CROCC2: variants seen among roughly 807,000 people sequenced by gnomAD.
CROCC2 encodes the protein ciliary rootlet coiled-coil protein 2.
CROCC2 carries 163 observed loss-of-function variants against 177.6 expected under a neutral mutation model. The observed-to-expected ratio is 0.92, with a 90% confidence interval of 0.81 to 1.05. CROCC2 has a LOEUF of 1.05. CROCC2 is among the 50% of genes least tolerant of loss of function. CROCC2 has a pLI of 0.00. For synonymous variants in CROCC2, 904 were observed against 787.3 expected, an observed-to-expected ratio of 1.15 and a Z score of -2.48; for missense variants, 1,929 against 1,797.8, an observed-to-expected ratio of 1.07 and a Z score of -1.32.
At chr2:240,915,595 C>T (rs2059314747) in intron 1 of CROCC2, among the ~76,000 whole-genome samples, 2 of 152,172 alleles carry the variant, frequency 1.3e-5, no homozygotes, top group South Asian at 4.1e-4. Flanking sequence ...TAGAGGGGAG[C>T]CCTGCTCTAA....
In CROCC2 at chr2:240,958,269, GCCA is replaced by G; in HGVS notation, c.2944-1031_2944-1029del. The G allele has an allele frequency of 1.1e-6, 1 of 881,454 alleles. No individual in the cohort carries two copies. Among genetic ancestry groups the G allele is most frequent in the Non-Finnish European group, 1.4e-6 (1 of 734,832 alleles). 54.6% of individuals were successfully genotyped at this position (881,454 alleles called of 1,614,324 possible). A position where few individuals can be genotyped will look rare whatever the true frequency, so the allele number is the denominator to read the frequency against. ...GAGGCCCTCACAGGGGTATCCTGCA[GCCA>G]GGCCTCAGGGGCACCCATCACTGGC... is the stretch of plus-strand genomic sequence containing the variant. On this transcript the variant is annotated intron_variant, in intron 19 of 31. Transcript: ENST00000690015. The surrounding 1 kb of genome is among the most constrained non-coding windows in gnomAD (Gnocchi z 6.7).
In CROCC2 at chr2:240,967,345, G is replaced by T; in HGVS notation, c.4147G>T (p.Asp1383Tyr). The change falls in exon 26 of 32, where the codon GAT (aspartate) becomes TAT (tyrosine). Residue 1383 changes from aspartate (D) to tyrosine (Y), a missense_variant and splice_region_variant. By Grantham distance (160) the Asp-to-Tyr change is radical. Around this residue, in one of 3 missense-constraint regions of CROCC2, gnomAD observed 388 missense variants for 352.7 expected, o/e 1.10. Transcript: ENST00000690015. The stretch of plus-strand genomic sequence containing the variant: ...CGCTGACCTCAGTCCTTCTGCCCAG[G>T]ATGACTCCCGCATCCAGATGGCGAC... ...QKLREAQRER[D>Y]DSRIQMATLS... is the part of the protein sequence containing the mutation. 1.4e-6 allele frequency: 1 copy of T among 709,816 alleles called. No individual in the cohort carries two copies. 44.0% of individuals were successfully genotyped at this position (709,816 alleles called of 1,614,324 possible).
At position 240,973,834 on chromosome 2, in the gene CROCC2, T is replaced by C. The variant is rs2059740261; in HGVS notation, c.4401+5572T>C. Among the ~76,000 whole-genome samples, 1 of 152,230 alleles carries C rather than the reference T, an allele frequency of 6.6e-6. No individual in the cohort carries two copies. The highest frequency in any genetic ancestry group is 1.5e-5 in the Non-Finnish European group (1 of 68,044). ...AAATTGTATTATTTTATAAAATGAG[T>C]TGGTGGGCTTTCCACTTTTTCCATC... On this transcript the variant is annotated intron_variant, in intron 27 of 31. Coordinates refer to ENST00000690015, the MANE Select transcript of CROCC2 (RefSeq NM_001351305.2). This position sits in a 1 kb window ranked among gnomAD's most constrained non-coding sequence, Gnocchi z 4.7.
In CROCC2 at chr2:240,966,415, G is replaced by A. The variant is rs915120860; in HGVS notation, c.4146+6G>A. 2.0e-5 allele frequency: 8 copies of A among 400,700 alleles called. No individual in the cohort carries two copies. Among genetic ancestry groups the A allele is most frequent in the Middle Eastern group, 6.9e-4 (2 of 2,896 alleles). The allele number at this position is 400,700 out of a possible 1,614,324, so 24.8% of individuals were successfully genotyped here. On this transcript the variant is annotated splice_donor_region_variant and intron_variant, in intron 25 of 31. Coordinates refer to ENST00000690015, the MANE Select transcript of CROCC2 (RefSeq NM_001351305.2). ...GGGAAGCCCAGCGGGAGCGGGTAAT[G>A]GGGGCTGGGGTCCTCCCGCCCACGG...
rs564897308 is a variant in CROCC2 at position 240,966,245 on chromosome 2, C to T, written c.3982C>T (p.Leu1328Phe). 2.6e-4 allele frequency: 184 copies of T among 718,576 alleles called. No individual in the cohort carries two copies. Among genetic ancestry groups the T allele is most frequent in the Admixed American group, 6.3e-4 (15 of 23,756 alleles). 44.5% of individuals were successfully genotyped at this position (718,576 alleles called of 1,614,324 possible). ...CGCAGGCTCCGACAGCTCCCAGGCTCTCCCTGGGCAACAGGGTACCAGCCC... is the reference window on the plus strand; with the variant it reads ...CGCAGGCTCCGACAGCTCCCAGGCTTTCCCTGGGCAACAGGGTACCAGCCC... ...PTKGSDSSQA[L>F]PGQQGTSPPA... Residue 1328 changes from leucine to phenylalanine, a missense_variant, in exon 25 of 32, where the codon CTC becomes TTC. Around this residue, in one of 3 missense-constraint regions of CROCC2, gnomAD observed 388 missense variants for 352.7 expected, o/e 1.10. Transcript: ENST00000690015.
intron 26 of CROCC2, 157 bp downstream of exon 26, chr2:240,967,622 C>T: frequency 1.0e-6 from 1 of 975,510 alleles, no homozygotes; most frequent in Non-Finnish European, 1.2e-6. Flanking sequence ...CCTGGCGAGG[C>T]TGGGTCAGCG....
Position 240,953,093 on chromosome 2 carries a change from C to G in CROCC2, c.2829+2583C>G, listed in dbSNP as rs188903571. Among the ~76,000 whole-genome samples, 1 of 152,206 alleles carries G rather than the reference C, an allele frequency of 6.6e-6. No homozygotes were observed. Among genetic ancestry groups the G allele is most frequent in the East Asian group, 1.9e-4 (1 of 5,154 alleles). On this transcript the variant is annotated intron_variant, in intron 18 of 31. Transcript: ENST00000690015. The surrounding 1 kb of genome is among the most constrained non-coding windows in gnomAD (Gnocchi z 4.0). ...AATCCCAGCTTCCCAGTGGCACACA[C>G]AGCCCCCAAGAGAGGGGACCTCGGT...
rs114551281 is a variant in CROCC2 at position 240,961,766 on chromosome 2, A to T, written c.3088-1790A>T. 5.1e-4 allele frequency among the ~76,000 whole-genome samples: 43 copies of T among 83,664 alleles called. 2 individuals are homozygous for T. The highest frequency in any genetic ancestry group is 2.7e-4 in the Non-Finnish European group (12 of 43,708). 54.9% of individuals were successfully genotyped at this position (83,664 alleles called of 152,430 possible). On this transcript the variant is annotated intron_variant, in intron 20 of 31. Coordinates refer to ENST00000690015, the MANE Select transcript of CROCC2 (RefSeq NM_001351305.2). Reference sequence around the variant, plus strand: ...AGAGTGGACACCTGCACTGGCTCTCACACACACACACTCATCACACACACG... The same window carrying T: ...AGAGTGGACACCTGCACTGGCTCTCTCACACACACACTCATCACACACACG...
rs1003291651 is a variant in CROCC2 at position 240,949,688 on chromosome 2, C to A, written c.2638C>A (p.Leu880Ile). Residue 880 changes from leucine to isoleucine, a missense_variant, in exon 17 of 32, where the codon CTC (leucine) becomes ATC (isoleucine). This residue lies in a region of CROCC2 where 1,397 missense variants were observed against 1,239.9 expected (regional missense o/e 1.13). Transcript: ENST00000690015. The surrounding 1 kb of genome is among the most constrained non-coding windows in gnomAD (Gnocchi z 4.5). ...ALAHREALAQ[L>I]QREKETLSLT... ...GGCCCACCGAGAGGCCCTGGCACAG[C>A]TCCAAAGGGAGAAGGTCTGCTTCCC... 17 of 1,543,578 alleles carry A rather than the reference C, an allele frequency of 1.1e-5. No homozygotes were observed. Among genetic ancestry groups the A allele is most frequent in the Non-Finnish European group, 1.5e-5 (17 of 1,142,798 alleles).
At chr2:240,932,997 C>G in intron 9 of CROCC2, 89 bp downstream of exon 9, 1 of 1,473,092 alleles carries the variant, frequency 6.8e-7, no homozygotes, top group Non-Finnish European at 9.0e-7. Flanking sequence ...GGGGCCTGCC[C>G]CTGAGCCCCA....
intron 31 of CROCC2, among the ~76,000 whole-genome samples, chr2:240,991,797 C>G (rs911991049): frequency 1.3e-5 from 2 of 152,240 alleles, no homozygotes; most frequent in African/African-American, 4.8e-5. Context: ...GGCTTCATTC[C>G]GTGCCCTCAG....
At chr2:240,955,001 C>G (rs1014968280) in intron 18 of CROCC2, 3 of 152,140 alleles carry the variant, frequency 2.0e-5, no homozygotes, top group Non-Finnish European at 2.9e-5. Flanking sequence ...ACAGCGTTAC[C>G]TCCCCAACAC....
intron 1 of CROCC2, among the ~76,000 whole-genome samples, chr2:240,916,310 G>C (rs560435493): frequency 6.6e-6 from 1 of 151,730 alleles, no homozygotes; most frequent in African/African-American, 2.4e-5. Flanking sequence ...TGGTTCCATG[G>C]GGGCGGCGCT....
intron 3 of CROCC2, among the ~76,000 whole-genome samples, chr2:240,922,045 C>G (rs1288543844): frequency 6.6e-6 from 1 of 152,208 alleles, no homozygotes; most frequent in African/African-American, 2.4e-5. Context: ...CACTCAATCT[C>G]CAGGGGGCAG....
intron 1 of CROCC2, among the ~76,000 whole-genome samples, chr2:240,914,996 C>A (rs529224157): frequency 1.3e-5 from 2 of 152,248 alleles, no homozygotes; most frequent in African/African-American, 4.8e-5. Flanking sequence ...AAAGCCAAGA[C>A]TCGGGTTTTT....
chr2:240,929,196 T>C (rs1469263239), intron 5 of CROCC2, among the ~76,000 whole-genome samples: 3 of 152,268 alleles, frequency 2.0e-5, no homozygotes, highest in East Asian at 3.9e-4. Context: ...GTTGATCTAA[T>C]ACCTGAAGTT....
At chr2:240,948,335 G>C (rs73107824) in intron 15 of CROCC2, among the ~76,000 whole-genome samples, 2,485 of 152,230 alleles carry the variant, frequency 0.016, 33 homozygotes, top group Middle Eastern at 0.051. Context: ...AGATGGAAGA[G>C]AAATGGAGGC....
Position 240,948,974 on chromosome 2 carries a change from T to C in CROCC2, c.2364-5T>C. On this transcript the variant is annotated splice_region_variant and splice_polypyrimidine_tract_variant and intron_variant, in intron 15 of 31. Transcript: ENST00000690015. ...ACTTGCCCATTGTTTGCTGCATCTT[T>C]GCAGGGTGGAGAGGGACTCCCTGGA... The C allele has an allele frequency of 3.2e-6, 5 of 1,550,382 alleles. No homozygotes were observed. Among genetic ancestry groups the C allele is most frequent in the African/African-American group, 1.4e-5 (1 of 73,182 alleles).
chr2:240,926,459 C>T (rs767026066), intron 5 of CROCC2, among the ~76,000 whole-genome samples: 6 of 152,234 alleles, frequency 3.9e-5, no homozygotes, highest in South Asian at 2.1e-4. Context: ...CCTTGGGTAC[C>T]GTGGCTCTCC....
Sources: gnomAD v4.1 joint callset for allele counts (sites outside exome capture counted in the v4.1 genomes callset) on GRCh38, gnomAD v4.1.1 for gene constraint, gnomAD v4.1.1 regional missense constraint, Gnocchi (gnomAD v3.1) non-coding constraint, MANE v1.5 for transcripts, NCBI Gene and HGNC (gene_info 2026-07-23, HGNC 2026-07-21) for gene names.